The following TTC39B variants were observed in gnomAD, a reference collection of about 807,000 sequenced individuals.
TTC39B encodes tetratricopeptide repeat protein 39B.
In TTC39B, 92 loss-of-function variants were observed where a neutral mutation model predicts 96.6. The observed-to-expected ratio is 0.95, with a 90% confidence interval of 0.80 to 1.13. The LOEUF (loss-of-function observed/expected upper bound fraction) is 1.13, where lower values mean the gene tolerates loss of function less well. Ranked by LOEUF, TTC39B falls within the 50% of genes most tolerant of loss-of-function variation. The probability of loss-of-function intolerance (pLI) is 0.00; values close to 1 mark genes in which losing one functional copy is unlikely to be tolerated. For synonymous variants in TTC39B, 367 were observed against 299.4 expected (o/e 1.23, Z -2.33); for missense variants, 955 against 809.3 (o/e 1.18, Z -2.18).
chr9:15,209,162 C>CT (rs532819977), intron 6 of TTC39B, among the ~76,000 whole-genome samples: 18 of 150,154 alleles, frequency 1.2e-4, no homozygotes, highest in African/African-American at 2.9e-4. Context: ...ATTTGAAGGA[C>CT]TTTTTTTTTT....
chr9:15,187,169 T>C, intron 14 of TTC39B, 134 bp from the exon 15 acceptor site: 3 of 600,882 alleles, frequency 5.0e-6, no homozygotes. Context: ...AAATGAAATC[T>C]TATATTCCCT....
rs374508573 is a variant in TTC39B, at chr9:15,187,395, A to T, written c.1396-360T>A. 1.8e-4 allele frequency among the ~76,000 whole-genome samples: 28 copies of T among 152,300 alleles called. No homozygotes were observed. In the East Asian group the frequency reaches 3.1e-3, roughly 17 times the overall value. On this transcript the variant is annotated intron_variant, in intron 14 of 19. Transcript: ENST00000512701. ...GGAAAGTCTACACAAAATTATCAAC[A>T]TGATTAAGATTTCATAACTTTATAA...
At chr9:15,200,659 T>C (rs1262350899) in intron 7 of TTC39B, among the ~76,000 whole-genome samples, 1 of 152,240 alleles carries the variant, frequency 6.6e-6, no homozygotes, top group East Asian at 1.9e-4. Context: ...GAGACAGTCC[T>C]ACGTTTTGCA....
intron 1 of TTC39B, among the ~76,000 whole-genome samples, chr9:15,301,908 C>T (rs1824604333): frequency 6.6e-6 from 1 of 152,196 alleles, no homozygotes; most frequent in African/African-American, 2.4e-5. Flanking sequence ...GTCACATAAG[C>T]CATTTATTTC....
At chr9:15,264,337 C>T (rs1009158653) in intron 2 of TTC39B, among the ~76,000 whole-genome samples, 1 of 152,070 alleles carries the variant, frequency 6.6e-6, no homozygotes, top group East Asian at 1.9e-4. Flanking sequence ...GATTTTTCTT[C>T]CTTGCCACAG....
At chr9:15,241,618 A>C (rs10121353) in intron 2 of TTC39B, among the ~76,000 whole-genome samples, 3,431 of 152,284 alleles carry the variant, frequency 0.023, 117 homozygotes, top group African/African-American at 0.077. Flanking sequence ...GTTGTGAATT[A>C]TTTTAAATGA....
chr9:15,210,124 G>C (rs754810394), exon 6 of TTC39B: 3 of 1,606,752 alleles, frequency 1.9e-6, no homozygotes, highest in Non-Finnish European at 2.5e-6. Flanking sequence ...CTAGAAAGAA[G>C]ACTTGAGAAA....
chr9:15,225,967 T>C (rs371516972), exon 3 of TTC39B: 3 of 1,613,910 alleles, frequency 1.9e-6, no homozygotes, highest in Non-Finnish European at 1.7e-6. Context: ...GTGTATCACA[T>C]GATGCAAAGT....
intron 5 of TTC39B, 56 bp from the exon 6 acceptor site, chr9:15,210,220 G>T: frequency 8.1e-7 from 1 of 1,232,748 alleles, no homozygotes; most frequent in Non-Finnish European, 1.2e-6. Context: ...ATCAGGCTGA[G>T]CTCATTTTCA....
At chr9:15,214,213 G>T (rs377068917) in exon 4 of TTC39B, 1 of 1,613,982 alleles carries the variant, frequency 6.2e-7, no homozygotes. Flanking sequence ...CACATTCTTC[G>T]AGGCCACTCT....
In TTC39B at chr9:15,182,294, T is replaced by A; in HGVS notation, c.1723+13A>T. ...GAGACAAAGGCTCCTCGGTGCTTAC[T>A]GTGTATACTTACTTTGACTTTGTAA... is the stretch of plus-strand genomic sequence containing the variant. On this transcript the variant is annotated intron_variant, in intron 17 of 19. Coordinates refer to ENST00000512701, the Ensembl canonical transcript of TTC39B. The A allele has an allele frequency of 1.3e-6, 2 of 1,564,704 alleles. No individual in the cohort carries two copies. Among genetic ancestry groups the A allele is most frequent in the Non-Finnish European group, 8.7e-7 (1 of 1,143,610 alleles).
At chr9:15,272,216 C>T (rs920452624) in intron 1 of TTC39B, among the ~76,000 whole-genome samples, 7 of 152,322 alleles carry the variant, frequency 4.6e-5, no homozygotes, top group African/African-American at 1.7e-4. Flanking sequence ...ATTCCACAGT[C>T]TCCCACCTGG....
At chr9:15,305,717 G>C (rs142787181) in intron 1 of TTC39B, among the ~76,000 whole-genome samples, 1 of 150,342 alleles carries the variant, frequency 6.7e-6, no homozygotes, top group Non-Finnish European at 1.5e-5. Flanking sequence ...CTAGTAGGCA[G>C]TGAGCATAGC....
At chr9:15,216,569 G>A (rs367928545) in intron 3 of TTC39B, among the ~76,000 whole-genome samples, 34 of 152,236 alleles carry the variant, frequency 2.2e-4, no homozygotes, top group African/African-American at 6.5e-4. Context: ...AGTCCATCAC[G>A]AAATTTTGTC....
chr9:15,199,583 A>T (rs1384976408), intron 8 of TTC39B, among the ~76,000 whole-genome samples: 1 of 151,464 alleles, frequency 6.6e-6, no homozygotes, highest in Non-Finnish European at 1.5e-5. Flanking sequence ...AAAATACAAA[A>T]AATTAGCCGG....
intron 9 of TTC39B, 59 bp from the exon 10 acceptor site, chr9:15,191,314 C>G (rs2072921488): frequency 1.7e-6 from 2 of 1,192,812 alleles, no homozygotes; most frequent in Non-Finnish European, 2.4e-6. Flanking sequence ...GCAAACAAAT[C>G]TAAACTAACA....
intron 10 of TTC39B, 36 bp from the exon 11 acceptor site, chr9:15,190,698 A>G: frequency 6.5e-7 from 1 of 1,532,880 alleles, no homozygotes; most frequent in South Asian, 1.1e-5. Flanking sequence ...AAAGAGAACA[A>G]GACTGGAAAA....
chr9:15,276,330 C>CTT (rs1563782004), intron 1 of TTC39B, among the ~76,000 whole-genome samples: 1 of 152,152 alleles, frequency 6.6e-6, no homozygotes. Flanking sequence ...TCCTTAGTAT[C>CTT]CCTATAGAAA....
intron 1 of TTC39B, among the ~76,000 whole-genome samples, chr9:15,280,899 C>A (rs1823737944): frequency 6.6e-6 from 1 of 152,118 alleles, no homozygotes; most frequent in African/African-American, 2.4e-5. Flanking sequence ...GAGGCACCAG[C>A]CATTCTTGCC....
Sources: gnomAD v4.1 joint callset for allele counts (sites outside exome capture counted in the v4.1 genomes callset) on GRCh38, gnomAD v4.1.1 for gene constraint, MANE v1.5 for transcripts, NCBI Gene and HGNC (gene_info 2026-07-23, HGNC 2026-07-21) for gene names.